KRT73: variants seen among roughly 807,000 people sequenced by gnomAD.
KRT73 encodes keratin 73, also known as keratin, type II cytoskeletal 73.
Under a neutral mutation model 47.2 loss-of-function variants are expected in KRT73, and 44 were observed. That is an observed-to-expected ratio of 0.93 (90% CI 0.73 to 1.20). KRT73 has a LOEUF of 1.20. Among genes scored for constraint, KRT73 ranks in the 50% most tolerant of loss-of-function variants. The pLI is 0.00. For synonymous variants in KRT73, 285 were observed against 291.3 expected, an observed-to-expected ratio of 0.98 and a Z score of 0.22; for missense variants, 713 against 704.5, an observed-to-expected ratio of 1.01 and a Z score of -0.14.
chr12:52,608,375 A>G lies in KRT73; in HGVS notation c.1444T>C (p.Tyr482His). 6.2e-7 allele frequency: 1 copy of G among 1,613,286 alleles called. No homozygotes were observed. Among genetic ancestry groups the G allele is most frequent in the Non-Finnish European group, 8.5e-7 (1 of 1,180,018 alleles). The change falls in exon 9 of 9, where the codon TAC becomes CAC. Residue 482 changes from tyrosine to histidine, a missense_variant. Coordinates refer to ENST00000305748, the MANE Select transcript of KRT73 (RefSeq NM_175068.3). ...CCCCCGCTGACAGAGCTGGGCCAGT[A>G]GCCGTAGGTGCCAGCATTGCTGAAT... ...FGFSNAGTYG[Y>H]WPSSVSGGYS...
Position 52,614,655 on chromosome 12 carries a change from G to T in KRT73, c.743C>A (p.Thr248Lys). 6.2e-7 allele frequency: 1 copy of T among 1,613,722 alleles called. No homozygotes were observed. Among genetic ancestry groups the T allele is most frequent in the Non-Finnish European group, 8.5e-7 (1 of 1,179,838 alleles). The change falls in exon 4 of 9, where the codon ACG (threonine) becomes AAG (lysine). Residue 248 changes from threonine to lysine, a missense_variant. Transcript: ENST00000305748. ...CTTGGCCTGCAGCTCCACTTTGCTC[G>T]TGTAAGCTGCGTCCACGTCCTATGG... is the stretch of plus-strand genomic sequence containing the variant. ...VLKKDVDAAY[T>K]SKVELQAKVD...
intron 8 of KRT73, 107 bp downstream of exon 8, chr12:52,609,140 A>C (rs756915072): frequency 3.9e-5 from 38 of 967,496 alleles, no homozygotes; most frequent in Non-Finnish European, 6.4e-5. Context: ...CCAAGTGGTC[A>C]ACAGGCAGAG....
intron 6 of KRT73, 100 bp from the exon 7 acceptor site, chr12:52,610,935 T>C (rs1274500084): frequency 2.6e-5 from 29 of 1,102,796 alleles, no homozygotes; most frequent in Non-Finnish European, 6.5e-6. Flanking sequence ...TCCTGCCCCA[T>C]GTCCTGGAGC....
chr12:52,613,461 C>T, intron 5 of KRT73: 2 of 686,388 alleles, frequency 2.9e-6, no homozygotes, highest in Non-Finnish European at 4.4e-6. Flanking sequence ...GTTTACACCA[C>T]ATTCACCTGC....
chr12:52,617,449 G>A (rs371823242), intron 1 of KRT73, among the ~76,000 whole-genome samples: 22 of 152,160 alleles, frequency 1.4e-4, no homozygotes, highest in Non-Finnish European at 1.9e-4. Flanking sequence ...TCCAGGTGAC[G>A]TTGCTGCTGC....
intron 2 of KRT73, among the ~76,000 whole-genome samples, chr12:52,615,679 A>G (rs1940800046): frequency 6.6e-6 from 1 of 152,070 alleles, no homozygotes; most frequent in South Asian, 2.1e-4. Flanking sequence ...CTGCCTGACA[A>G]CCTACCAACA....
chr12:52,614,271 CCAGGAAACATCCCCAGCCA>C (rs1172294059), intron 4 of KRT73: 1 of 372,192 alleles, frequency 2.7e-6, no homozygotes, highest in Non-Finnish European at 4.8e-6. Flanking sequence ...GCCCAAGACC[CCAGGAAACATCCCCAGCCA>C]CAGAGAGAAG....
In KRT73 at chr12:52,610,789, TC is replaced by T; in HGVS notation, c.1156del (p.Asp386ThrfsTer36). ...GGCCCTGGCATCCTTGAGGGCACAGTCCCCCCGCTGCTCGGCGTCAGCGATG... is the reference window on the plus strand; with the variant it reads ...GGCCCTGGCATCCTTGAGGGCACAGTCCCCCGCTGCTCGGCGTCAGCGATG... ...TAIADAEQRG[D>X]CALKDARAKL... On this transcript the variant is annotated frameshift_variant, in exon 7 of 9. Transcript: ENST00000305748. LOFTEE classifies it high-confidence loss of function. 4 of 1,613,130 alleles carry T rather than the reference TC, an allele frequency of 2.5e-6. No homozygotes were observed.
intron 5 of KRT73, among the ~76,000 whole-genome samples, chr12:52,613,165 G>T (rs1389858390): frequency 6.6e-6 from 1 of 152,210 alleles, no homozygotes; most frequent in African/African-American, 2.4e-5. Flanking sequence ...ATCTTGATCT[G>T]AGAAACCAAA....
At chr12:52,617,928 G>A in intron 1 of KRT73, 150 bp downstream of exon 1, 1 of 836,232 alleles carries the variant, frequency 1.2e-6, no homozygotes, top group Non-Finnish European at 1.9e-6. Context: ...AGCACCTGGG[G>A]AGCTTTCAAG....
rs202217246 is a variant in KRT73, at chr12:52,616,368, C to G, written c.460G>C (p.Glu154Gln). Residue 154 changes from glutamate (E) to glutamine (Q), a missense_variant, in exon 2 of 9, where the codon GAG becomes CAG. Glu to Gln is a conservative substitution (Grantham distance 29). Transcript: ENST00000305748. ...GTCTCCAGCACCTGGTTCTGCTGCTCCAGGAACCGCACCTGGAACCCATGC... is the reference window on the plus strand; with the variant it reads ...GTCTCCAGCACCTGGTTCTGCTGCTGCAGGAACCGCACCTGGAACCCATGC... Reference protein sequence around the residue: ...ASFIDKVRFLEQQNQVLETKW... With the variant: ...ASFIDKVRFLQQQNQVLETKW... 2.5e-5 allele frequency: 41 copies of G among 1,614,170 alleles called. No homozygotes were observed. In the East Asian group the frequency reaches 7.8e-4, roughly 31 times the overall value.
the KRT73 span, among the ~76,000 whole-genome samples, chr12:52,624,079 T>C: frequency 6.6e-6 from 1 of 151,932 alleles, no homozygotes; most frequent in South Asian, 2.1e-4. Context: ...CTCCAAAAAC[T>C]TATCTCAACT....
upstream of KRT73, chr12:52,618,707 T>A: frequency 1.6e-6 from 1 of 628,664 alleles, no homozygotes; most frequent in Non-Finnish European, 2.7e-6. Flanking sequence ...ACCAGGTAAA[T>A]GACTTGAAAA....
Position 52,610,529 on chromosome 12 carries a change from G to GCCCCAC in KRT73, c.1331+85_1331+86insGTGGGG. 1.0e-5 allele frequency: 3 copies of GCCCCAC among 295,156 alleles called. 1 individual carries two copies. Among genetic ancestry groups the GCCCCAC allele is most frequent in the East Asian group, 2.0e-4 (2 of 9,852 alleles). The allele number at this position is 295,156 out of a possible 1,614,324, so 18.3% of individuals were successfully genotyped here. ...GAAGTAAACACATCGCCAGCTCGCC[G>GCCCCAC]CCCCCTCCCCCCCGCCCCCAACCAC... On this transcript the variant is annotated intron_variant, in intron 7 of 8. Transcript: ENST00000305748.
the KRT73 span, among the ~76,000 whole-genome samples, chr12:52,628,318 T>C: frequency 6.6e-6 from 1 of 152,028 alleles, no homozygotes; most frequent in Non-Finnish European, 1.5e-5. Context: ...AGGTGGATAA[T>C]CCACCTGGCT....
chr12:52,627,754 G>T, the KRT73 span, among the ~76,000 whole-genome samples: 1 of 152,218 alleles, frequency 6.6e-6, no homozygotes, highest in East Asian at 1.9e-4. Flanking sequence ...TGAAGTTATT[G>T]CTGTAAAAAC....
At chr12:52,614,904 G>T in intron 3 of KRT73, 1 of 557,872 alleles carries the variant, frequency 1.8e-6, no homozygotes. Context: ...AGAGAAGGGT[G>T]TGAGACTCTA....
At chr12:52,621,671 G>A (rs1940909600), upstream of KRT73, among the ~76,000 whole-genome samples, 1 of 152,210 alleles carries the variant, frequency 6.6e-6, no homozygotes, top group African/African-American at 2.4e-5. Flanking sequence ...AGCCTAGCAA[G>A]ATGGAAAACT....
chr12:52,613,667 T>G (rs949096980), intron 5 of KRT73, 21 bp downstream of exon 5: 1 of 1,613,648 alleles, frequency 6.2e-7, no homozygotes, highest in Admixed American at 1.7e-5. Context: ...TACTTCACTA[T>G]GGGGAGTTTT....
Sources: allele counts gnomAD v4.1 joint callset (sites outside exome capture counted in the v4.1 genomes callset), GRCh38; gene constraint gnomAD v4.1.1; transcripts MANE v1.5; gene names NCBI Gene and HGNC (gene_info 2026-07-23, HGNC 2026-07-21).